Variants in KMT2C observed in about 807,000 individuals in gnomAD.
The protein encoded by KMT2C is lysine methyltransferase 2C.
A neutral mutation model predicts 507.9 loss-of-function variants in KMT2C; 88 were observed. The ratio of observed to expected loss-of-function variants is 0.17; its 90% CI spans 0.15 to 0.21. The LOEUF (loss-of-function observed/expected upper bound fraction) is 0.21. KMT2C is among the 10% of genes least tolerant of loss of function. The probability of loss-of-function intolerance (pLI) is 1.00; values close to 1 mark genes in which losing one functional copy is unlikely to be tolerated. For missense variants in KMT2C, 4,954 were observed against 5,957.8 expected, an observed-to-expected ratio of 0.83 and a Z score of 5.55; for synonymous variants, 2,049 against 2,080.8, an observed-to-expected ratio of 0.98 and a Z score of 0.42.
chr7:152,269,890 T>G (rs1416444360), intron 7 of KMT2C, among the ~76,000 whole-genome samples: 1 of 151,998 alleles, frequency 6.6e-6, no homozygotes. Context: ...AGAGAAGAGA[T>G]AAATAAAAAA....
At chr7:152,325,825 C>T (rs1199665560) in intron 3 of KMT2C, among the ~76,000 whole-genome samples, 2 of 152,066 alleles carry the variant, frequency 1.3e-5, no homozygotes. Context: ...GAAGAAATTC[C>T]TCTACATTAA....
At chr7:152,169,692 C>T (rs1348392614) in intron 40 of KMT2C, among the ~76,000 whole-genome samples, 1 of 152,004 alleles carries the variant, frequency 6.6e-6, no homozygotes, top group Non-Finnish European at 1.5e-5. Context: ...CTCTAACATG[C>T]ACAAATATAA....
At chr7:152,330,776 T>C in intron 2 of KMT2C, 37 bp from the exon 3 acceptor site, 1 of 1,597,984 alleles carries the variant, frequency 6.3e-7, no homozygotes. Flanking sequence ...AAAGAGTCAT[T>C]TTTGTGTTTA....
At chr7:152,308,940 CA>C (rs2096645330) in intron 6 of KMT2C, among the ~76,000 whole-genome samples, 1 of 152,028 alleles carries the variant, frequency 6.6e-6, no homozygotes, top group South Asian at 2.1e-4. Context: ...GCATTTGTTT[CA>C]AAATTACATG....
intron 1 of KMT2C, among the ~76,000 whole-genome samples, chr7:152,361,610 A>T (rs2097198509): frequency 6.6e-6 from 1 of 152,198 alleles, no homozygotes; most frequent in Non-Finnish European, 1.5e-5. Flanking sequence ...TTGATAGAAA[A>T]CATTAAAATA....
rs748819219 is a variant in KMT2C at position 152,181,724 on chromosome 7, G to C, written c.6136C>G (p.Pro2046Ala). ...TGAGAGGATGGAGGAGGTTGCATTG[G>C]AGTCTTAAAAGGTCCAGGACCACTA... ...LDSGPGPFKTPMQPPPSSQDP... is the reference protein window; with the variant it reads ...LDSGPGPFKTAMQPPPSSQDP... Residue 2046 changes from proline to alanine, a missense_variant, in exon 36 of 59, where the codon CCA (proline) becomes GCA (alanine). Coordinates refer to ENST00000262189, the MANE Select transcript of KMT2C (RefSeq NM_170606.3). 2.5e-6 allele frequency: 4 copies of C among 1,614,008 alleles called. No homozygotes were observed. Among genetic ancestry groups the C allele is most frequent in the Admixed American group, 3.3e-5 (2 of 60,000 alleles).
At chr7:152,151,339 A>G in intron 50 of KMT2C, 103 bp downstream of exon 50, 4 of 1,237,544 alleles carry the variant, frequency 3.2e-6, no homozygotes, top group Non-Finnish European at 4.6e-6. Flanking sequence ...TGTGTCCATC[A>G]CACCACCATA....
At chr7:152,342,041 G>T (rs2096999678) in intron 2 of KMT2C, among the ~76,000 whole-genome samples, 1 of 152,154 alleles carries the variant, frequency 6.6e-6, no homozygotes. Context: ...GTATGGCTTT[G>T]GAACTCCAAT....
At chr7:152,432,115 A>C (rs1477867774) in intron 1 of KMT2C, among the ~76,000 whole-genome samples, 1 of 152,194 alleles carries the variant, frequency 6.6e-6, no homozygotes, top group Non-Finnish European at 1.5e-5. Context: ...CTCTGAAAAG[A>C]AAGTGGTTCA....
At chr7:152,219,562 G>GT (rs1313162384) in intron 23 of KMT2C, among the ~76,000 whole-genome samples, 26 of 150,126 alleles carry the variant, frequency 1.7e-4, no homozygotes, top group East Asian at 7.9e-4. Context: ...CCTGGGCAAC[G>GT]TAACAAGACA....
At chr7:152,325,666 G>C (rs1029721456) in intron 3 of KMT2C, among the ~76,000 whole-genome samples, 2 of 151,602 alleles carry the variant, frequency 1.3e-5, no homozygotes. Flanking sequence ...GGCTGGTCTC[G>C]AACTCCTGGG....
intron 39 of KMT2C, 59 bp downstream of exon 39, chr7:152,174,072 T>C (rs1306395551): frequency 2.3e-6 from 2 of 888,002 alleles, no homozygotes; most frequent in Admixed American, 4.7e-5. Flanking sequence ...TTCTAAAAAC[T>C]AGTAATGATT....
At chr7:152,184,653 A>AT (rs1302546147) in intron 34 of KMT2C, among the ~76,000 whole-genome samples, 1 of 152,252 alleles carries the variant, frequency 6.6e-6, no homozygotes, top group Admixed American at 6.5e-5. Flanking sequence ...GTCCCTCTGT[A>AT]TCCATGGGGT....
At chr7:152,248,831 TTTACA>T (rs2095517806) in intron 13 of KMT2C, among the ~76,000 whole-genome samples, 1 of 152,200 alleles carries the variant, frequency 6.6e-6, no homozygotes, top group Admixed American at 6.5e-5. Context: ...AACATTATGT[TTTACA>T]ACTTAAGGAT....
chr7:152,154,192 T>C (rs1464572956), intron 47 of KMT2C, 46 bp from the exon 48 acceptor site: 1 of 1,611,200 alleles, frequency 6.2e-7, no homozygotes, highest in Non-Finnish European at 8.5e-7. Context: ...TTAATGGATT[T>C]TCAAAATCAA....
intron 38 of KMT2C, 92 bp from the exon 39 acceptor site, chr7:152,174,334 T>C (rs1225128950): frequency 3.1e-6 from 2 of 642,464 alleles, no homozygotes; most frequent in South Asian, 2.2e-5. Flanking sequence ...TTAAATTTTA[T>C]TATTTAATAA....
chr7:152,231,856 A>G (rs1341438979), intron 16 of KMT2C, among the ~76,000 whole-genome samples: 1 of 151,924 alleles, frequency 6.6e-6, no homozygotes, highest in Non-Finnish European at 1.5e-5. Flanking sequence ...TTTCAATACA[A>G]ATACATTTAA....
At chr7:152,192,329 T>C (rs193260143) in intron 31 of KMT2C, among the ~76,000 whole-genome samples, 15 of 151,658 alleles carry the variant, frequency 9.9e-5, no homozygotes, top group African/African-American at 3.1e-4. Context: ...GCTCACAAGG[T>C]CAGGAGTTTA....
intron 1 of KMT2C, among the ~76,000 whole-genome samples, chr7:152,380,523 G>C (rs73164517): frequency 8.1e-6 from 1 of 123,966 alleles, no homozygotes; most frequent in African/African-American, 3.0e-5. Context: ...AGCCGAGATC[G>C]CACCATTGCA....
Sources: allele counts gnomAD v4.1 joint callset (sites outside exome capture counted in the v4.1 genomes callset), GRCh38; gene constraint gnomAD v4.1.1; transcripts MANE v1.5; gene names NCBI Gene and HGNC (gene_info 2026-07-23, HGNC 2026-07-21).